SESTD1: variants seen among roughly 807,000 people sequenced by gnomAD.
The protein encoded by SESTD1 is SEC14 domain and spectrin repeat-containing protein 1.
Under a neutral mutation model 101.7 loss-of-function variants are expected in SESTD1, and 43 were observed. The ratio of observed to expected loss-of-function variants is 0.42; its 90% CI spans 0.33 to 0.55. The LOEUF (loss-of-function observed/expected upper bound fraction) is 0.55. Among genes scored for constraint, SESTD1 ranks in the 20% least tolerant of loss-of-function variants. The probability of loss-of-function intolerance (pLI) is 0.07; values close to 1 mark genes in which losing one functional copy is unlikely to be tolerated. For synonymous variants in SESTD1, 283 were observed against 286.8 expected, an observed-to-expected ratio of 0.99 and a Z score of 0.13; for missense variants, 647 against 815.1, an observed-to-expected ratio of 0.79 and a Z score of 2.51.
chr2:179,168,048 C>T (rs945452364), intron 5 of SESTD1, among the ~76,000 whole-genome samples: 11 of 152,232 alleles, frequency 7.2e-5, no homozygotes, highest in South Asian at 4.2e-4. Context: ...CAAGAGCCAC[C>T]GCACCCGGTG....
At chr2:179,188,657 G>C (rs1169819957) in intron 2 of SESTD1, among the ~76,000 whole-genome samples, 1 of 151,924 alleles carries the variant, frequency 6.6e-6, no homozygotes, top group African/African-American at 2.4e-5. Flanking sequence ...AAAAGGGGTG[G>C]GGGGCTGACA....
chr2:179,141,535 TAGATGTTATTAATAG>T (rs1382350828), intron 9 of SESTD1, among the ~76,000 whole-genome samples: 83 of 151,990 alleles, frequency 5.5e-4, no homozygotes, highest in African/African-American at 2.0e-3. Context: ...GATGAACTAA[TAGATGTTATTAATAG>T]AAGACTCATT....
At chr2:179,219,607 A>G (rs1392997666) in intron 1 of SESTD1, among the ~76,000 whole-genome samples, 6 of 152,272 alleles carry the variant, frequency 3.9e-5, no homozygotes, top group African/African-American at 1.4e-4. Context: ...ACAAGTACTC[A>G]GTGCTCTATC....
chr2:179,200,590 C>G (rs557775216), intron 1 of SESTD1, among the ~76,000 whole-genome samples: 1 of 152,124 alleles, frequency 6.6e-6, no homozygotes, highest in African/African-American at 2.4e-5. Flanking sequence ...ATCAATGGAA[C>G]CGAATAGAGC....
At chr2:179,193,500 T>C (rs754833638) in intron 1 of SESTD1, among the ~76,000 whole-genome samples, 3 of 152,216 alleles carry the variant, frequency 2.0e-5, no homozygotes, top group Non-Finnish European at 4.4e-5. Flanking sequence ...GATTCACATC[T>C]TAAATCTCCT....
In SESTD1 at chr2:179,104,177, G is replaced by T. The variant is rs2044331929; in HGVS notation, c.*5722C>A. ...AATTCTTCTAAGTGTCCATTGAGAA[G>T]TAAGTTTCTCTTAAAGGCTTCTGAG... On this transcript the variant is annotated 3_prime_UTR_variant, in exon 18 of 18. Coordinates refer to ENST00000428443, the MANE Select transcript of SESTD1 (RefSeq NM_178123.5). 6.6e-6 allele frequency: 1 copy of T among 152,114 alleles called. No individual in the cohort carries two copies. The highest frequency in any genetic ancestry group is 1.5e-5 in the Non-Finnish European group (1 of 68,010). The allele number at this position is 152,114 out of a possible 1,614,324, so 9.4% of individuals were successfully genotyped here.
At chr2:179,168,819 T>G (rs1309920305) in intron 5 of SESTD1, among the ~76,000 whole-genome samples, 2 of 152,218 alleles carry the variant, frequency 1.3e-5, no homozygotes, top group Non-Finnish European at 2.9e-5. Flanking sequence ...AATGTAGTGT[T>G]TGTTTATAGC....
At position 179,124,346 on chromosome 2, in the gene SESTD1, ATC is replaced by A; in HGVS notation, c.1167+16_1167+17del. ...CAGATAATTTGAAGAAAAGAAAAGA[ATC>A]AGAATAGACACTTACATCTTGGGCA... On this transcript the variant is annotated intron_variant, in intron 11 of 17. Coordinates refer to ENST00000428443, the MANE Select transcript of SESTD1 (RefSeq NM_178123.5). 1 of 1,598,738 alleles carries A rather than the reference ATC, an allele frequency of 6.3e-7. No homozygotes were observed. The highest frequency in any genetic ancestry group is 8.5e-7 in the Non-Finnish European group (1 of 1,170,734).
chr2:179,136,513 A>C (rs2045148529), intron 9 of SESTD1, among the ~76,000 whole-genome samples: 1 of 152,212 alleles, frequency 6.6e-6, no homozygotes, highest in African/African-American at 2.4e-5. Context: ...TTTGGGAATC[A>C]ATTGCTTCTC....
At chr2:179,228,463 T>C (rs2105534918) in intron 1 of SESTD1, among the ~76,000 whole-genome samples, 1 of 152,304 alleles carries the variant, frequency 6.6e-6, no homozygotes, top group African/African-American at 2.4e-5. Context: ...TGCCTTAAGA[T>C]ACAAGCCTGT....
In SESTD1 at chr2:179,112,625, T is replaced by C. The variant is rs567419751; in HGVS notation, c.1961+99A>G. 941 of 1,412,206 alleles carry C rather than the reference T, an allele frequency of 6.7e-4. 1 individual carries two copies. Among genetic ancestry groups the C allele is most frequent in the Middle Eastern group, 5.8e-3 (29 of 5,030 alleles). 87.5% of individuals were successfully genotyped at this position (1,412,206 alleles called of 1,614,324 possible). On this transcript the variant is annotated intron_variant, in intron 17 of 17. Coordinates refer to ENST00000428443, the MANE Select transcript of SESTD1 (RefSeq NM_178123.5). The stretch of plus-strand genomic sequence containing the variant: ...AGGAGTTAAAGATGTGGACCAAACC[T>C]AATTTACTTGGCTTTTTAAAGAATA...
intron 1 of SESTD1, among the ~76,000 whole-genome samples, chr2:179,223,492 T>C (rs535188687): frequency 6.6e-6 from 1 of 152,290 alleles, no homozygotes; most frequent in African/African-American, 2.4e-5. Context: ...ATTGGTCATT[T>C]TGTAAATCAG....
chr2:179,256,842 G>A (rs953183384), intron 1 of SESTD1, among the ~76,000 whole-genome samples: 27 of 150,296 alleles, frequency 1.8e-4, no homozygotes, highest in Non-Finnish European at 3.2e-4. Context: ...TGACAGATGA[G>A]CAGTCACTTC....
chr2:179,115,050 A>G lies in SESTD1; in HGVS notation c.1839+15T>C, dbSNP rs1575420064. The stretch of plus-strand genomic sequence containing the variant: ...CAATACCACTGAGAATAACATTTCA[A>G]AAACACAAGCAAACCTTTTCAGCAT... On this transcript the variant is annotated intron_variant, in intron 16 of 17. Coordinates refer to ENST00000428443, the MANE Select transcript of SESTD1 (RefSeq NM_178123.5). 1.9e-6 allele frequency: 3 copies of G among 1,604,524 alleles called. No homozygotes were observed. In the South Asian group the frequency reaches 3.4e-5, roughly 18 times the overall value.
At chr2:179,189,360 A>G (rs1389633899) in intron 2 of SESTD1, among the ~76,000 whole-genome samples, 1 of 152,202 alleles carries the variant, frequency 6.6e-6, no homozygotes, top group African/African-American at 2.4e-5. Context: ...CCTTTGATAA[A>G]ATCCAACATC....
chr2:179,114,978 T>C (rs941681771), intron 16 of SESTD1, 87 bp downstream of exon 16: 1 of 1,103,336 alleles, frequency 9.1e-7, no homozygotes, highest in Middle Eastern at 3.0e-4. Flanking sequence ...AATAGATTAG[T>C]CATATAGTTA....
At chr2:179,140,518 G>A (rs538114717) in intron 9 of SESTD1, among the ~76,000 whole-genome samples, 4 of 152,126 alleles carry the variant, frequency 2.6e-5, no homozygotes, top group Non-Finnish European at 1.5e-5. Flanking sequence ...CTGACATCCT[G>A]ATCTCAGAAC....
intron 10 of SESTD1, among the ~76,000 whole-genome samples, chr2:179,125,872 T>C (rs1023445593): frequency 6.6e-6 from 1 of 152,210 alleles, no homozygotes; most frequent in African/African-American, 2.4e-5. Context: ...CCCTCCGTTC[T>C]TCTACAGCCC....
At chr2:179,247,144 A>G (rs941135332) in intron 1 of SESTD1, among the ~76,000 whole-genome samples, 1 of 152,034 alleles carries the variant, frequency 6.6e-6, no homozygotes, top group Admixed American at 6.6e-5. Flanking sequence ...GATTTTTCTA[A>G]TTGACAAATA....
Sources: gnomAD v4.1 joint callset for allele counts (sites outside exome capture counted in the v4.1 genomes callset) on GRCh38, gnomAD v4.1.1 for gene constraint, MANE v1.5 for transcripts, NCBI Gene and HGNC (gene_info 2026-07-23, HGNC 2026-07-21) for gene names.